The following RAPGEF5 variants were observed in gnomAD, a reference collection of about 807,000 sequenced individuals.
RAPGEF5 encodes the protein Rap guanine nucleotide exchange factor 5.
RAPGEF5 carries 65 observed loss-of-function variants against 125.2 expected under a neutral mutation model. The observed-to-expected ratio is 0.52, with a 90% CI of 0.43 to 0.64. RAPGEF5 has a LOEUF of 0.64. Among genes scored for constraint, RAPGEF5 ranks in the 30% least tolerant of loss-of-function variants. The pLI, the probability that RAPGEF5 is intolerant of heterozygous loss-of-function variation, is 0.00. For synonymous variants in RAPGEF5, 391 were observed against 385.9 expected, an observed-to-expected ratio of 1.01 and a Z score of -0.16; for missense variants, 958 against 1,048.1, an observed-to-expected ratio of 0.91 and a Z score of 1.19.
chr7:22,349,418 C>T (rs1407095239), intron 1 of RAPGEF5, among the ~76,000 whole-genome samples: 1 of 99,342 alleles, frequency 1.0e-5, no homozygotes, highest in African/African-American at 3.8e-5. Context: ...AGTGAGACTC[C>T]ATCCAAAAAA....
chr7:22,145,145 T>C lies in RAPGEF5; in HGVS notation c.2085A>G (p.Arg695=). Residue 695 remains arginine, a synonymous_variant, in exon 20 of 26, where the codon AGA becomes AGG. Transcript: ENST00000665637. ...HTANLSLLLQ[R]CNEVQLWVAT... is the part of the protein sequence containing the mutation. The stretch of plus-strand genomic sequence containing the variant: ...CCACCCAAAGCTGGACCTCATTGCA[T>C]CTCTGGAGCAGAAGGCTGAGATTTG... The C allele has an allele frequency of 1.9e-6, 3 of 1,613,804 alleles. No individual in the cohort carries two copies. The highest frequency in any genetic ancestry group is 2.5e-6 in the Non-Finnish European group (3 of 1,179,808).
At chr7:22,337,223 G>A (rs1474376074) in intron 1 of RAPGEF5, among the ~76,000 whole-genome samples, 1 of 152,182 alleles carries the variant, frequency 6.6e-6, no homozygotes, top group Admixed American at 6.5e-5. Context: ...TGGTTTGGTT[G>A]GGGATGTAAT....
rs1562697818 is a variant in RAPGEF5, at chr7:22,122,192, CT to C, written c.*213del. 9 of 505,222 alleles carry C rather than the reference CT, an allele frequency of 1.8e-5. No homozygotes were observed. The highest frequency in any genetic ancestry group is 3.2e-5 in the Non-Finnish European group (9 of 279,056). The allele number at this position is 505,222 out of a possible 1,614,324, so 31.3% of individuals were successfully genotyped here. ...AGAATGCTTCTGACTCTCCTTCTGC[CT>C]TCTTGTCCCGAGAGTAGCATGGAGA... On this transcript the variant is annotated 3_prime_UTR_variant, in exon 26 of 26. Transcript: ENST00000665637.
At chr7:22,152,469 T>A (rs890400085) in intron 17 of RAPGEF5, among the ~76,000 whole-genome samples, 1 of 152,242 alleles carries the variant, frequency 6.6e-6, no homozygotes, top group African/African-American at 2.4e-5. Flanking sequence ...TTCCCCTTAT[T>A]TTCAGGTTTG....
chr7:22,315,674 T>A (rs1270761335), intron 2 of RAPGEF5, among the ~76,000 whole-genome samples, 198 bp from the exon 3 acceptor site: 1 of 151,542 alleles, frequency 6.6e-6, no homozygotes, highest in Non-Finnish European at 1.5e-5. Flanking sequence ...TACTTTATTT[T>A]AGCTACTGGT....
chr7:22,134,083 T>C (rs1351893499), intron 23 of RAPGEF5, among the ~76,000 whole-genome samples: 1 of 152,188 alleles, frequency 6.6e-6, no homozygotes, highest in Non-Finnish European at 1.5e-5. Context: ...AAAACTAAGT[T>C]GGTTGTTCTA....
intron 7 of RAPGEF5, among the ~76,000 whole-genome samples, chr7:22,235,960 T>G (rs572970469): frequency 1.7e-4 from 26 of 152,276 alleles, no homozygotes; most frequent in Middle Eastern, 3.4e-3. Flanking sequence ...ATTTTTTTAG[T>G]GTTAAAATTA....
intron 8 of RAPGEF5, among the ~76,000 whole-genome samples, chr7:22,221,262 C>CT (rs1409268376): frequency 6.6e-6 from 1 of 152,120 alleles, no homozygotes; most frequent in Non-Finnish European, 1.5e-5. Context: ...TTAAGACAGT[C>CT]TGTACTCTGT....
intron 1 of RAPGEF5, among the ~76,000 whole-genome samples, chr7:22,352,320 CA>C (rs1465394052): frequency 6.6e-6 from 1 of 150,466 alleles, no homozygotes; most frequent in Non-Finnish European, 1.5e-5. Context: ...TAAAAAGATA[CA>C]AAAAAGTAAG....
At chr7:22,289,150 C>G (rs1782871114) in intron 6 of RAPGEF5, among the ~76,000 whole-genome samples, 1 of 152,126 alleles carries the variant, frequency 6.6e-6, no homozygotes, top group South Asian at 2.1e-4. Flanking sequence ...TATTCACCAC[C>G]TTTCTTTGTG....
intron 5 of RAPGEF5, 134 bp downstream of exon 5, chr7:22,308,205 G>A (rs1783388280): frequency 3.5e-6 from 3 of 867,806 alleles, no homozygotes; most frequent in African/African-American, 3.5e-5. Flanking sequence ...CTTTCTAAAT[G>A]TGCATCTGAA....
At chr7:22,166,741 A>G (rs1363402390) in intron 12 of RAPGEF5, among the ~76,000 whole-genome samples, 2 of 152,218 alleles carry the variant, frequency 1.3e-5, no homozygotes, top group African/African-American at 4.8e-5. Flanking sequence ...TGATCTTCCC[A>G]TTCCACACAA....
chr7:22,156,769 C>T (rs1002110409), intron 16 of RAPGEF5, 41 bp downstream of exon 16: 2 of 1,610,944 alleles, frequency 1.2e-6, no homozygotes, highest in Non-Finnish European at 1.7e-6. Flanking sequence ...TGGTGGCTAA[C>T]TGCTGCCCAC....
chr7:22,356,081 G>A, intron 1 of RAPGEF5: 3 of 985,406 alleles, frequency 3.0e-6, no homozygotes, highest in Non-Finnish European at 3.6e-6. Flanking sequence ...AAGATCCCAG[G>A]AGACAATCAG....
intron 20 of RAPGEF5, among the ~76,000 whole-genome samples, chr7:22,140,901 T>A (rs759612159): frequency 6.6e-6 from 1 of 152,170 alleles, no homozygotes; most frequent in Non-Finnish European, 1.5e-5. Context: ...CTCTCTGAGA[T>A]AGGGCTTTAA....
intron 9 of RAPGEF5, among the ~76,000 whole-genome samples, chr7:22,208,917 A>G (rs1785452172): frequency 6.6e-6 from 1 of 152,186 alleles, no homozygotes; most frequent in African/African-American, 2.4e-5. Context: ...AGTGTGGGGC[A>G]CCATTATTGG....
chr7:22,134,328 A>G (rs1443048897), intron 23 of RAPGEF5, among the ~76,000 whole-genome samples: 2 of 152,260 alleles, frequency 1.3e-5, no homozygotes, highest in Non-Finnish European at 2.9e-5. Context: ...GTGCTTATTT[A>G]AATTCAAGGA....
chr7:22,309,701 G>T (rs1783425342), intron 4 of RAPGEF5, among the ~76,000 whole-genome samples: 1 of 152,154 alleles, frequency 6.6e-6, no homozygotes, highest in East Asian at 1.9e-4. Flanking sequence ...GCAGCATATT[G>T]AGTTCAGAAG....
At chr7:22,261,456 A>C (rs1453458328) in intron 7 of RAPGEF5, among the ~76,000 whole-genome samples, 1 of 152,048 alleles carries the variant, frequency 6.6e-6, no homozygotes, top group Non-Finnish European at 1.5e-5. Flanking sequence ...AAAATAAAAA[A>C]AATTAGGTAG....
Sources: allele counts gnomAD v4.1 joint callset (sites outside exome capture counted in the v4.1 genomes callset), GRCh38; gene constraint gnomAD v4.1.1; transcripts MANE v1.5; gene names NCBI Gene and HGNC (gene_info 2026-07-23, HGNC 2026-07-21).